Variants in PLCL2 observed in about 807,000 individuals in gnomAD.
PLCL2 encodes the protein phospholipase C like 2, also known as inactive phospholipase C-like protein 2.
In PLCL2, 4 loss-of-function variants were observed where a neutral mutation model predicts 79.6. The ratio of observed to expected loss-of-function variants is 0.05; its 90% CI spans 0.02 to 0.11. PLCL2 has a LOEUF of 0.11. Among genes scored for constraint, PLCL2 ranks in the 10% least tolerant of loss-of-function variants. PLCL2 has a pLI of 1.00. For synonymous variants in PLCL2, 484 were observed against 457.7 expected, an observed-to-expected ratio of 1.06 and a Z score of -0.73; for missense variants, 895 against 1,291.0, an observed-to-expected ratio of 0.69 and a Z score of 4.70.
chr3:17,070,856 A>G (rs1414431942), intron 5 of PLCL2, among the ~76,000 whole-genome samples: 1 of 152,160 alleles, frequency 6.6e-6, no homozygotes, highest in Non-Finnish European at 1.5e-5. Flanking sequence ...GGAGGGTTTC[A>G]GATGACCCCG....
intron 1 of PLCL2, among the ~76,000 whole-genome samples, chr3:16,895,868 G>T (rs1312758822): frequency 2.0e-5 from 3 of 152,280 alleles, no homozygotes; most frequent in South Asian, 2.1e-4. Flanking sequence ...ACATATTTTT[G>T]ATTATAATTA....
intron 1 of PLCL2, among the ~76,000 whole-genome samples, chr3:16,979,344 C>CTTTTT (rs766576392): frequency 1.6e-5 from 1 of 63,572 alleles, no homozygotes; most frequent in Admixed American, 2.2e-4. Flanking sequence ...AAATCACTTT[C>CTTTTT]TTTTTTTTTT....
At chr3:16,955,139 C>T (rs1159823063) in intron 1 of PLCL2, among the ~76,000 whole-genome samples, 1 of 152,188 alleles carries the variant, frequency 6.6e-6, no homozygotes, top group East Asian at 1.9e-4. Context: ...AGGTTTTCTT[C>T]TAGGGTTTGT....
At chr3:17,048,741 T>A (rs567393319) in intron 4 of PLCL2, among the ~76,000 whole-genome samples, 1 of 152,362 alleles carries the variant, frequency 6.6e-6, no homozygotes, top group African/African-American at 2.4e-5. Context: ...CATCTCTGAC[T>A]GAGCAGTTTA....
intron 3 of PLCL2, among the ~76,000 whole-genome samples, chr3:17,038,604 ATTAT>A (rs1210387896): frequency 2.0e-5 from 3 of 152,086 alleles, no homozygotes; most frequent in Non-Finnish European, 2.9e-5. Context: ...TTAAATATAA[ATTAT>A]TTATTATTTA....
At chr3:16,926,110 T>G (rs1697243314) in intron 1 of PLCL2, among the ~76,000 whole-genome samples, 1 of 142,794 alleles carries the variant, frequency 7.0e-6, no homozygotes. Flanking sequence ...AAATTATTAT[T>G]TTTTTTGATC....
In PLCL2 at chr3:16,946,727, G is replaced by A. The variant is rs368053412; in HGVS notation, c.327+61361G>A. On this transcript the variant is annotated intron_variant, in intron 1 of 5. Coordinates refer to ENST00000615277, the MANE Select transcript of PLCL2 (RefSeq NM_001144382.2). ...TTCTAGTCTATAAATGGAATATGGT[G>A]TGTCTTCTTTCCTTTGATTCCATTG... is the stretch of plus-strand genomic sequence containing the variant. Among the ~76,000 whole-genome samples the A allele has an allele frequency of 3.0e-4, 46 of 152,162 alleles. No homozygotes were observed. In the South Asian group the frequency reaches 5.6e-3, roughly 18 times the overall value.
At chr3:16,909,430 C>A (rs115471264) in intron 1 of PLCL2, among the ~76,000 whole-genome samples, 1 of 152,188 alleles carries the variant, frequency 6.6e-6, no homozygotes. Flanking sequence ...GAATCTATTA[C>A]ATTTAGCACA....
intron 1 of PLCL2, among the ~76,000 whole-genome samples, chr3:16,985,663 T>G (rs996483759): frequency 3.9e-5 from 6 of 152,166 alleles, no homozygotes; most frequent in African/African-American, 1.4e-4. Context: ...ATATTACCTG[T>G]GCCCAGGCAC....
intron 1 of PLCL2, among the ~76,000 whole-genome samples, chr3:16,966,128 C>T (rs979828750): frequency 2.1e-4 from 32 of 150,962 alleles, no homozygotes; most frequent in Non-Finnish European, 3.7e-4. Flanking sequence ...AGTTTTTGCC[C>T]ATTCAGTATG....
Position 16,998,264 on chromosome 3 carries a change from T to C in PLCL2, c.328-11410T>C, listed in dbSNP as rs375854390. On this transcript the variant is annotated intron_variant, in intron 1 of 5. Coordinates refer to ENST00000615277, the MANE Select transcript of PLCL2 (RefSeq NM_001144382.2). ...CACAGTGTAGGGGAAAGAAAATTAA[T>C]GATTGAGAAGTTACTCTTAGAATTG... 7.9e-5 allele frequency among the ~76,000 whole-genome samples: 12 copies of C among 152,254 alleles called. No homozygotes were observed. The East Asian group carries it at 1.9e-3, about 24-fold the overall frequency.
rs1444454951 is a variant in PLCL2 at position 16,886,181 on chromosome 3, A to G, written c.327+815A>G. ...TTCTAATGTTACATTTTGGTTCGCA[A>G]TGTAAAAATATTTTTCATGACATGA... On this transcript the variant is annotated intron_variant, in intron 1 of 5. Coordinates refer to ENST00000615277, the MANE Select transcript of PLCL2 (RefSeq NM_001144382.2). The surrounding 1 kb of genome is among the most constrained non-coding windows in gnomAD (Gnocchi z 4.2). Among the ~76,000 whole-genome samples, 2 of 152,214 alleles carry G rather than the reference A, an allele frequency of 1.3e-5. No individual in the cohort carries two copies. The highest frequency in any genetic ancestry group is 4.8e-5 in the African/African-American group (2 of 41,446).
chr3:16,934,819 C>T (rs1053455236), intron 1 of PLCL2, among the ~76,000 whole-genome samples: 4 of 152,278 alleles, frequency 2.6e-5, no homozygotes, highest in African/African-American at 9.6e-5. Flanking sequence ...GAGACGTGGG[C>T]ATGGAGGCAG....
intron 1 of PLCL2, among the ~76,000 whole-genome samples, chr3:16,917,176 T>C (rs1697017005): frequency 6.6e-6 from 1 of 152,200 alleles, no homozygotes; most frequent in Non-Finnish European, 1.5e-5. Context: ...AACAGTGTAT[T>C]CCTCTTCCTT....
chr3:16,895,813 C>G (rs1452628174), intron 1 of PLCL2, among the ~76,000 whole-genome samples: 1 of 152,208 alleles, frequency 6.6e-6, no homozygotes, highest in Non-Finnish European at 1.5e-5. Context: ...CTGCTTGAGT[C>G]TCCCAAGCAT....
At chr3:16,885,404 C>G (rs1394371992) in intron 1 of PLCL2, 38 bp downstream of exon 1, 31 of 559,876 alleles carry the variant, frequency 5.5e-5, no homozygotes, top group Non-Finnish European at 9.1e-5. Context: ...CACCCTCAGC[C>G]GTCCTTGGAT....
At chr3:16,952,228 A>G (rs1319409160) in intron 1 of PLCL2, among the ~76,000 whole-genome samples, 1 of 151,920 alleles carries the variant, frequency 6.6e-6, no homozygotes, top group Non-Finnish European at 1.5e-5. Context: ...TACCTAATGC[A>G]TACATGGCTT....
chr3:16,956,884 A>G (rs1207006993), intron 1 of PLCL2, among the ~76,000 whole-genome samples: 1 of 152,076 alleles, frequency 6.6e-6, no homozygotes, highest in Non-Finnish European at 1.5e-5. Context: ...TATCCCCTTT[A>G]TCATTTTTTA....
intron 4 of PLCL2, among the ~76,000 whole-genome samples, chr3:17,043,342 G>A (rs1276640361): frequency 6.6e-6 from 1 of 152,128 alleles, no homozygotes; most frequent in East Asian, 1.9e-4. Context: ...AGGGAGAATG[G>A]CTTCTTGTAA....
Sources: allele counts gnomAD v4.1 joint callset (sites outside exome capture counted in the v4.1 genomes callset), GRCh38; gene constraint gnomAD v4.1.1; non-coding constraint Gnocchi (gnomAD v3.1); transcripts MANE v1.5; gene names NCBI Gene and HGNC (gene_info 2026-07-23, HGNC 2026-07-21).